The following DNAH5 variants were observed in gnomAD, a reference collection of about 807,000 sequenced individuals.
The protein encoded by DNAH5 is axonemal beta dynein heavy chain 5.
Under a neutral mutation model 518.2 loss-of-function variants are expected in DNAH5, and 372 were observed. The observed-to-expected ratio is 0.72, with a 90% CI of 0.66 to 0.78. DNAH5 has a LOEUF of 0.78. Ranked by LOEUF, DNAH5 falls within the 30% of genes least tolerant of loss-of-function variation. The probability of loss-of-function intolerance (pLI) is 0.00; values close to 1 mark genes in which losing one functional copy is unlikely to be tolerated. For synonymous variants in DNAH5, 2,039 were observed against 2,025.9 expected, an observed-to-expected ratio of 1.01 and a Z score of -0.17; for missense variants, 5,523 against 5,687.0, an observed-to-expected ratio of 0.97 and a Z score of 0.93.
intron 14 of DNAH5, 36 bp from the exon 15 acceptor site, chr5:13,900,448 G>C (rs374907178): frequency 6.5e-7 from 1 of 1,544,346 alleles, no homozygotes; most frequent in Non-Finnish European, 8.9e-7. Flanking sequence ...CTATCAGAAA[G>C]TTCAATTCAT....
intron 1 of DNAH5, among the ~76,000 whole-genome samples, chr5:13,941,634 A>G (rs949313892): frequency 2.6e-5 from 4 of 152,236 alleles, no homozygotes; most frequent in African/African-American, 9.6e-5. Context: ...ACCCCACTGG[A>G]AACAATGGCT....
intron 47 of DNAH5, among the ~76,000 whole-genome samples, chr5:13,806,345 CCATA>C (rs1404465243): frequency 6.6e-6 from 1 of 151,968 alleles, no homozygotes; most frequent in East Asian, 1.9e-4. Context: ...GAAAGATAGC[CCATA>C]CTGGAAATCC....
intron 1 of DNAH5, among the ~76,000 whole-genome samples, chr5:13,970,905 T>A (rs1307977930): frequency 6.6e-6 from 1 of 152,198 alleles, no homozygotes; most frequent in African/African-American, 2.4e-5. Flanking sequence ...ATTTCTCTTC[T>A]TCCTTGGGAA....
chr5:13,833,442 C>CAAAA (rs59325595), intron 35 of DNAH5, among the ~76,000 whole-genome samples: 48,447 of 117,570 alleles, frequency 0.41, 9,297 homozygotes, highest in East Asian at 0.6. Context: ...GACTCCTTCC[C>CAAAA]AAAAAAAAAA....
chr5:13,872,828 T>C (rs866336973), intron 22 of DNAH5, among the ~76,000 whole-genome samples: 1 of 152,170 alleles, frequency 6.6e-6, no homozygotes, highest in Non-Finnish European at 1.5e-5. Flanking sequence ...TTTGGATTGA[T>C]TTGGCTACCA....
At chr5:14,001,195 G>T (rs963535545) in intron 1 of DNAH5, among the ~76,000 whole-genome samples, 3 of 152,150 alleles carry the variant, frequency 2.0e-5, no homozygotes, top group African/African-American at 7.2e-5. Context: ...TGGGTAATAT[G>T]CTCAGTACCT....
At chr5:13,924,765 A>C (rs1777683776) in intron 3 of DNAH5, among the ~76,000 whole-genome samples, 1 of 152,252 alleles carries the variant, frequency 6.6e-6, no homozygotes, top group African/African-American at 2.4e-5. Flanking sequence ...AGAAAAGCAC[A>C]TAAGAATACT....
intron 1 of DNAH5, among the ~76,000 whole-genome samples, chr5:13,983,970 C>A (rs114226146): frequency 1.6e-4 from 24 of 152,148 alleles, no homozygotes; most frequent in South Asian, 1.2e-3. Flanking sequence ...TTTTCAGTTA[C>A]GTTAGGTGGG....
rs141409513 is a variant in DNAH5 at position 13,781,918 on chromosome 5, G to T, written c.8821-959C>A. ...TAAGTGATTATAGATGGGTCAGGGG[G>T]GCCACTTCACACTGTTCAATAGCCC... On this transcript the variant is annotated intron_variant, in intron 52 of 78. Transcript: ENST00000265104. Among the ~76,000 whole-genome samples the T allele has an allele frequency of 7.4e-3, 1,126 of 152,104 alleles. 16 individuals are homozygous for T. Among genetic ancestry groups the T allele is most frequent in the African/African-American group, 0.026 (1,076 of 41,474 alleles).
At chr5:13,940,331 G>A (rs1156652882) in intron 1 of DNAH5, among the ~76,000 whole-genome samples, 1 of 152,118 alleles carries the variant, frequency 6.6e-6, no homozygotes, top group Non-Finnish European at 1.5e-5. Flanking sequence ...AATCAGAAAT[G>A]CCTCTCATGT....
intron 12 of DNAH5, among the ~76,000 whole-genome samples, chr5:13,903,151 T>G (rs901706454): frequency 6.6e-6 from 1 of 151,936 alleles, no homozygotes. Flanking sequence ...ACAAGAACAC[T>G]CAGATTTTTA....
intron 55 of DNAH5, among the ~76,000 whole-genome samples, chr5:13,774,216 T>C (rs1237188227): frequency 6.6e-6 from 1 of 152,118 alleles, no homozygotes. Flanking sequence ...GCAGCAATGA[T>C]AGCTTGGCCT....
At chr5:13,973,918 G>A (rs989858673) in intron 1 of DNAH5, among the ~76,000 whole-genome samples, 5 of 151,942 alleles carry the variant, frequency 3.3e-5, no homozygotes, top group Admixed American at 1.3e-4. Flanking sequence ...TCTGACTTCC[G>A]ACTGACGTCA....
intron 46 of DNAH5, 98 bp downstream of exon 46, chr5:13,808,946 T>C: frequency 6.8e-7 from 1 of 1,476,450 alleles, no homozygotes. Context: ...GGCGACAGAG[T>C]GAGACTCCGT....
intron 70 of DNAH5, among the ~76,000 whole-genome samples, chr5:13,725,559 T>A (rs972754567): frequency 2.0e-5 from 3 of 152,230 alleles, no homozygotes; most frequent in Non-Finnish European, 2.9e-5. Context: ...CTGCAGAACT[T>A]GTTCATCCCA....
intron 1 of DNAH5, among the ~76,000 whole-genome samples, chr5:14,006,001 C>T (rs1015293876): frequency 6.6e-6 from 1 of 152,096 alleles, no homozygotes; most frequent in Non-Finnish European, 1.5e-5. Flanking sequence ...TTCCTGCAGC[C>T]CCCTGTTCCA....
At chr5:14,006,367 C>A (rs1685541034) in intron 1 of DNAH5, among the ~76,000 whole-genome samples, 1 of 152,178 alleles carries the variant, frequency 6.6e-6, no homozygotes, top group African/African-American at 2.4e-5. Context: ...CCAAATCCCA[C>A]AGACTTGGTG....
At chr5:13,713,872 G>T (rs1743946964) in intron 75 of DNAH5, among the ~76,000 whole-genome samples, 1 of 151,884 alleles carries the variant, frequency 6.6e-6, no homozygotes, top group African/African-American at 2.4e-5. Flanking sequence ...AATTTAAAAA[G>T]ATGTCAAAAA....
intron 1 of DNAH5, among the ~76,000 whole-genome samples, chr5:13,933,650 C>G (rs2152013041): frequency 6.6e-6 from 1 of 152,122 alleles, no homozygotes; most frequent in East Asian, 1.9e-4. Flanking sequence ...ATTAGCCAGG[C>G]ATGGTGGCAT....
Sources: allele counts gnomAD v4.1 joint callset (sites outside exome capture counted in the v4.1 genomes callset), GRCh38; gene constraint gnomAD v4.1.1; transcripts MANE v1.5; gene names NCBI Gene and HGNC (gene_info 2026-07-23, HGNC 2026-07-21).